SLC26A4: variants seen among roughly 807,000 people sequenced by gnomAD.
SLC26A4 encodes the protein solute carrier family 26 member 4.
SLC26A4 carries 93 observed loss-of-function variants against 90.4 expected under a neutral mutation model. That is an observed-to-expected ratio of 1.03 (90% CI 0.87 to 1.22). SLC26A4 has a LOEUF of 1.22. SLC26A4 is among the 50% of genes most tolerant of loss of function. The pLI, the probability that SLC26A4 is intolerant of heterozygous loss-of-function variation, is 0.00. For missense variants in SLC26A4, 1,127 were observed against 946.2 expected, an observed-to-expected ratio of 1.19 and a Z score of -2.51; for synonymous variants, 393 against 354.6, an observed-to-expected ratio of 1.11 and a Z score of -1.22.
At chr7:107,670,112 A>AC (rs1554353932) in intron 3 of SLC26A4, among the ~76,000 whole-genome samples, 4 of 142,494 alleles carry the variant, frequency 2.8e-5, no homozygotes, top group Admixed American at 7.0e-5. Flanking sequence ...ATACCTCCAG[A>AC]TTTTTTTTTT....
At chr7:107,662,778 T>C (rs979319636) in intron 2 of SLC26A4, among the ~76,000 whole-genome samples, 3 of 152,218 alleles carry the variant, frequency 2.0e-5, no homozygotes, top group Admixed American at 1.3e-4. Context: ...ACTTTTGATA[T>C]TTTTCTTTCA....
chr7:107,711,048 A>G (rs1792171632), intron 19 of SLC26A4, among the ~76,000 whole-genome samples: 1 of 151,924 alleles, frequency 6.6e-6, no homozygotes, highest in African/African-American at 2.4e-5. Context: ...ATGATATTAT[A>G]TTATTCTTTT....
chr7:107,697,135 G>A (rs140341960), intron 13 of SLC26A4, among the ~76,000 whole-genome samples: 7 of 152,276 alleles, frequency 4.6e-5, no homozygotes, highest in African/African-American at 1.4e-4. Flanking sequence ...TCTCAGAAAC[G>A]CTCCTTAGAA....
rs1411908322 is a variant in SLC26A4 at position 107,717,324 on chromosome 7, C to T, written c.*1878C>T. 2.9e-5 allele frequency: 4 copies of T among 137,296 alleles called. No homozygotes were observed. The highest frequency in any genetic ancestry group is 6.0e-5 in the Non-Finnish European group (4 of 66,416). The allele number at this position is 137,296 out of a possible 1,614,324, so 8.5% of individuals were successfully genotyped here. A position where few individuals can be genotyped will look rare whatever the true frequency, so the allele number is the denominator to read the frequency against. The stretch of plus-strand genomic sequence containing the variant: ...GAGCTTGCAGTGAGCCGAGGTCGTG[C>T]CACTGCACTCCAGCCTGGGCGACAG... On this transcript the variant is annotated 3_prime_UTR_variant, in exon 21 of 21. Coordinates refer to ENST00000644269, the MANE Select transcript of SLC26A4 (RefSeq NM_000441.2).
Position 107,683,355 on chromosome 7 carries a change from G to C in SLC26A4, c.918+1G>C, listed in dbSNP as rs111033245. ...CCCTATTCCTATAGAAGTAATTGTG[G>C]TAAGTAGAATATGTAGTTAGAAAGT... On this transcript the variant is annotated splice_donor_variant, in intron 7 of 20. Coordinates refer to ENST00000644269, the MANE Select transcript of SLC26A4 (RefSeq NM_000441.2). LOFTEE classifies it high-confidence loss of function. The C allele has an allele frequency of 6.2e-7, 1 of 1,613,442 alleles. No homozygotes were observed. Among genetic ancestry groups the C allele is most frequent in the Non-Finnish European group, 8.5e-7 (1 of 1,179,434 alleles).
chr7:107,689,122 T>A lies in SLC26A4; in HGVS notation c.1071T>A (p.Ala357=). 6.2e-7 allele frequency: 1 copy of A among 1,613,976 alleles called. No homozygotes were observed. The highest frequency in any genetic ancestry group is 8.5e-7 in the Non-Finnish European group (1 of 1,179,862). The change falls in exon 9 of 21, where the codon GCT becomes GCA. Residue 357 remains alanine (A), a synonymous_variant. Coordinates refer to ENST00000644269, the MANE Select transcript of SLC26A4 (RefSeq NM_000441.2). The part of the protein sequence containing the change: ...SEMLAASFSI[A]VVAYAIAVSV... Reference sequence around the variant, plus strand: ...TGCTGGCTGCATCATTTTCCATCGCTGTGGTGGCTTATGCTATTGCAGTGT... The same window carrying A: ...TGCTGGCTGCATCATTTTCCATCGCAGTGGTGGCTTATGCTATTGCAGTGT...
At chr7:107,686,241 T>C (rs1334450247) in intron 8 of SLC26A4, among the ~76,000 whole-genome samples, 1 of 150,606 alleles carries the variant, frequency 6.6e-6, no homozygotes, top group Non-Finnish European at 1.5e-5. Flanking sequence ...TGTTACTCTT[T>C]CTTTCATTCT....
intron 10 of SLC26A4, among the ~76,000 whole-genome samples, chr7:107,691,055 T>G (rs1791552413): frequency 6.7e-6 from 1 of 149,954 alleles, no homozygotes; most frequent in African/African-American, 2.5e-5. Flanking sequence ...TATTTAGGAG[T>G]AAGAAGTGCA....
chr7:107,715,636 A>C lies in SLC26A4; in HGVS notation c.*190A>C, dbSNP rs1792327637. 1.6e-6 allele frequency: 1 copy of C among 625,412 alleles called. No individual in the cohort carries two copies. Among genetic ancestry groups the C allele is most frequent in the African/African-American group, 1.8e-5 (1 of 54,368 alleles). The allele number at this position is 625,412 out of a possible 1,614,324, so 38.7% of individuals were successfully genotyped here. ...TCCCTAACATGGGCAAAATGGCTAG[A>C]ATTATTCAGACGATTTGGCAGCGTC... On this transcript the variant is annotated 3_prime_UTR_variant, in exon 21 of 21. Coordinates refer to ENST00000644269, the MANE Select transcript of SLC26A4 (RefSeq NM_000441.2).
Position 107,661,328 on chromosome 7 carries a change from A to G in SLC26A4, c.-3-311A>G, listed in dbSNP as rs1790541590. Reference sequence around the variant, plus strand: ...GCGGACAGCGCCCTGGCTGCGGGCCATAGGGGACTGGGTGGAACTCGGGAA... The same window carrying G: ...GCGGACAGCGCCCTGGCTGCGGGCCGTAGGGGACTGGGTGGAACTCGGGAA... On this transcript the variant is annotated intron_variant, in intron 1 of 20. Coordinates refer to ENST00000644269, the MANE Select transcript of SLC26A4 (RefSeq NM_000441.2). This position sits in a 1 kb window ranked among gnomAD's most constrained non-coding sequence, Gnocchi z 5.1. The G allele has an allele frequency of 2.1e-6, 1 of 485,332 alleles. No homozygotes were observed. Among genetic ancestry groups the G allele is most frequent in the Admixed American group, 3.5e-5 (1 of 28,744 alleles). The allele number at this position is 485,332 out of a possible 1,614,324, so 30.1% of individuals were successfully genotyped here.
rs758015694 is a variant in SLC26A4, at chr7:107,694,418, T to C, written c.1279T>C (p.Ser427Pro). Residue 427 changes from serine (S) to proline (P), a missense_variant, in exon 11 of 21, where the codon TCT becomes CCT. Coordinates refer to ENST00000644269, the MANE Select transcript of SLC26A4 (RefSeq NM_000441.2). The part of the protein sequence containing the change: ...GGKTQVAGII[S>P]AAIVMIAILA... ...TGTCTTCCAGGTTGCTGGCATCATC[T>C]CTGCTGCGATTGTGATGATCGCCAT... 1.9e-6 allele frequency: 3 copies of C among 1,613,526 alleles called. No individual in the cohort carries two copies. In the South Asian group the frequency reaches 3.3e-5, roughly 18 times the overall value.
rs1445512091 is a variant in SLC26A4 at position 107,674,156 on chromosome 7, T to A, written c.416-8T>A. 3 of 1,613,848 alleles carry A rather than the reference T, an allele frequency of 1.9e-6. No individual in the cohort carries two copies. The highest frequency in any genetic ancestry group is 2.5e-6 in the Non-Finnish European group (3 of 1,179,842). On this transcript the variant is annotated splice_region_variant and splice_polypyrimidine_tract_variant and intron_variant, in intron 4 of 20. Transcript: ENST00000644269. The stretch of plus-strand genomic sequence containing the variant: ...ACTGATTAATTGTTAGAGACTTTTT[T>A]TCCCCAGGACCTTTTCCAGTGGTGA...
chr7:107,686,368 C>T lies in SLC26A4; in HGVS notation c.1002-2685C>T, dbSNP rs536610748. Among the ~76,000 whole-genome samples the T allele has an allele frequency of 4.7e-5, 7 of 148,992 alleles. No homozygotes were observed. In the South Asian group the frequency reaches 1.5e-3, roughly 32 times the overall value. On this transcript the variant is annotated intron_variant, in intron 8 of 20. Transcript: ENST00000644269. ...TTCCTCCCCTTCCTACCTTCCCTCCCTTTCCTCCCCTTCCTTCCTTCCTTC... is the reference window on the plus strand; with the variant it reads ...TTCCTCCCCTTCCTACCTTCCCTCCTTTTCCTCCCCTTCCTTCCTTCCTTC...
Position 107,672,241 on chromosome 7 carries a change from C to T in SLC26A4, c.408C>T (p.Ile136=), listed in dbSNP as rs767272321. The change falls in exon 4 of 21, where the codon ATC becomes ATT. Residue 136 remains isoleucine (I), a synonymous_variant. Transcript: ENST00000644269. ...TYFIFGTSRH[I]SVGPFPVVSL... ...TTATCTTTGGAACATCAAGACATAT[C>T]TCAGTTGGTAATTATAAGTATATTT... 2 of 1,571,714 alleles carry T rather than the reference C, an allele frequency of 1.3e-6. No individual in the cohort carries two copies. The highest frequency in any genetic ancestry group is 1.8e-6 in the Non-Finnish European group (2 of 1,141,686).
chr7:107,666,220 CTTTATT>C (rs962143935), intron 3 of SLC26A4, among the ~76,000 whole-genome samples: 5 of 152,008 alleles, frequency 3.3e-5, no homozygotes, highest in African/African-American at 1.2e-4. Flanking sequence ...AAAGGTGGAT[CTTTATT>C]TTTATATTTT....
rs758972845 is a variant in SLC26A4, at chr7:107,710,184, T to A, written c.2220T>A (p.Gly740=). The change falls in exon 19 of 21, where the codon GGT becomes GGA. Residue 740 remains glycine, a synonymous_variant. Coordinates refer to ENST00000644269, the MANE Select transcript of SLC26A4 (RefSeq NM_000441.2). The stretch of plus-strand genomic sequence containing the variant: ...AAGTGAAATCTCAAGAGGGTCAAGG[T>A]TCCATTTTAGAAACGGTAAATATTC... The part of the protein sequence containing the change: ...QNQVKSQEGQ[G]SILETITLIQ... The A allele has an allele frequency of 3.1e-6, 5 of 1,604,624 alleles. No homozygotes were observed. The Admixed American group carries it at 8.3e-5, about 27-fold the overall frequency.
intron 12 of SLC26A4, among the ~76,000 whole-genome samples, chr7:107,695,145 T>C (rs931389653): frequency 2.0e-5 from 3 of 152,326 alleles, no homozygotes; most frequent in African/African-American, 7.2e-5. Context: ...GCTAAATCCT[T>C]CAGAGTTCCT....
intron 3 of SLC26A4, among the ~76,000 whole-genome samples, chr7:107,666,605 A>G (rs1366215166): frequency 3.3e-5 from 5 of 152,176 alleles, no homozygotes; most frequent in African/African-American, 7.2e-5. Flanking sequence ...AGAGAATGAG[A>G]AGGAGACAGC....
At position 107,661,899 on chromosome 7, in the gene SLC26A4, C is replaced by T. The variant is rs1418797246; in HGVS notation, c.164+94C>T. 4.3e-6 allele frequency: 6 copies of T among 1,383,086 alleles called. No individual in the cohort carries two copies. The highest frequency in any genetic ancestry group is 2.9e-5 in the African/African-American group (2 of 68,718). 85.7% of individuals were successfully genotyped at this position (1,383,086 alleles called of 1,614,324 possible). On this transcript the variant is annotated intron_variant, in intron 2 of 20. Coordinates refer to ENST00000644269, the MANE Select transcript of SLC26A4 (RefSeq NM_000441.2). The surrounding 1 kb of genome is among the most constrained non-coding windows in gnomAD (Gnocchi z 5.1). The stretch of plus-strand genomic sequence containing the variant: ...GTCCCCAGCGGGCGAGAGTGGGGTG[C>T]GGGCGGCGGAGCCCCTGGGCGCCAG...
Sources: gnomAD v4.1 joint callset for allele counts (sites outside exome capture counted in the v4.1 genomes callset) on GRCh38, gnomAD v4.1.1 for gene constraint, Gnocchi (gnomAD v3.1) non-coding constraint, MANE v1.5 for transcripts, NCBI Gene and HGNC (gene_info 2026-07-23, HGNC 2026-07-21) for gene names.